RXFP1: variants seen among roughly 807,000 people sequenced by gnomAD.
RXFP1 encodes the protein relaxin family peptide receptor 1, also known as relaxin receptor 1.
Under a neutral mutation model 89.8 loss-of-function variants are expected in RXFP1, and 73 were observed. The observed-to-expected ratio is 0.81, with a 90% CI of 0.67 to 0.99. The LOEUF is 0.99. Ranked by LOEUF, RXFP1 falls within the 50% of genes least tolerant of loss-of-function variation. The probability of loss-of-function intolerance (pLI) is 0.00; values close to 1 mark genes in which losing one functional copy is unlikely to be tolerated. For synonymous variants in RXFP1, 277 were observed against 305.5 expected, an observed-to-expected ratio of 0.91 and a Z score of 0.97; for missense variants, 793 against 895.5, an observed-to-expected ratio of 0.89 and a Z score of 1.46.
At chr4:158,536,903 G>C (rs1745398577) in intron 1 of RXFP1, among the ~76,000 whole-genome samples, 1 of 152,030 alleles carries the variant, frequency 6.6e-6, no homozygotes, top group Admixed American at 6.5e-5. Flanking sequence ...TGTTGTACTA[G>C]ATAGCGTTTA....
intron 2 of RXFP1, among the ~76,000 whole-genome samples, chr4:158,588,954 T>C (rs1025739073): frequency 2.6e-5 from 4 of 152,200 alleles, no homozygotes; most frequent in Non-Finnish European, 5.9e-5. Context: ...GTCACTGTAT[T>C]AGTCCGCTCT....
chr4:158,649,665 A>G (rs1772263281), intron 17 of RXFP1, among the ~76,000 whole-genome samples: 1 of 151,716 alleles, frequency 6.6e-6, no homozygotes, highest in South Asian at 2.1e-4. Context: ...ATCCATTAGG[A>G]TGACTACTAT....
At chr4:158,546,010 G>A (rs1748267855) in intron 1 of RXFP1, among the ~76,000 whole-genome samples, 1 of 152,142 alleles carries the variant, frequency 6.6e-6, no homozygotes, top group Non-Finnish European at 1.5e-5. Flanking sequence ...GCTTGATGGG[G>A]ATGGGATTGA....
intron 1 of RXFP1, among the ~76,000 whole-genome samples, chr4:158,525,243 T>A (rs1290653761): frequency 1.3e-5 from 2 of 151,686 alleles, no homozygotes; most frequent in African/African-American, 2.4e-5. Flanking sequence ...GTTTTTTTTT[T>A]AATTTGTATA....
At chr4:158,612,037 A>G in intron 6 of RXFP1, 93 bp from the exon 7 acceptor site, 1 of 1,086,630 alleles carries the variant, frequency 9.2e-7, no homozygotes, top group Non-Finnish European at 1.3e-6. Flanking sequence ...ATGCTATGTA[A>G]AAAATTTAAG....
chr4:158,566,530 A>G (rs1272572676), intron 1 of RXFP1, among the ~76,000 whole-genome samples: 1 of 151,998 alleles, frequency 6.6e-6, no homozygotes. Context: ...CACCCAGCTA[A>G]CCTTTTGCAT....
intron 4 of RXFP1, among the ~76,000 whole-genome samples, chr4:158,600,826 C>CA (rs35888310): frequency 0.17 from 19,906 of 114,944 alleles, 1,512 homozygotes; most frequent in Middle Eastern, 0.26. Flanking sequence ...GACCCTGCCT[C>CA]AAAAAAAAAA....
intron 1 of RXFP1, among the ~76,000 whole-genome samples, chr4:158,554,236 C>A (rs886712493): frequency 6.6e-6 from 1 of 152,144 alleles, no homozygotes; most frequent in East Asian, 1.9e-4. Context: ...AGCTAAGAAA[C>A]CGTATTTTTA....
intron 2 of RXFP1, among the ~76,000 whole-genome samples, chr4:158,574,045 G>A (rs1293983311): frequency 6.6e-6 from 1 of 152,140 alleles, no homozygotes; most frequent in Non-Finnish European, 1.5e-5. Flanking sequence ...ATTTGAATAT[G>A]GGAAAATAGC....
At chr4:158,610,619 A>T (rs1763398484) in intron 6 of RXFP1, 1 of 1,198,838 alleles carries the variant, frequency 8.3e-7, no homozygotes, top group Non-Finnish European at 1.1e-6. Context: ...CACTGAAAGG[A>T]GTGATTATCT....
rs778516371 is a variant in RXFP1, at chr4:158,651,985, C to G, written c.2204C>G (p.Pro735Arg). The G allele has an allele frequency of 1.9e-6, 3 of 1,614,084 alleles. No homozygotes were observed. Among genetic ancestry groups the G allele is most frequent in the African/African-American group, 2.7e-5 (2 of 75,012 alleles). ...LQEMPPELMK[P>R]DLFTYPCEMS... ...GAGATGCCACCTGAGTTAATGAAGC[C>G]GGACCTTTTCACATACCCCTGTGAA... is the stretch of plus-strand genomic sequence containing the variant. Residue 735 changes from proline (P) to arginine (R), a missense_variant, in exon 18 of 18, where the codon CCG becomes CGG. Coordinates refer to ENST00000307765, the MANE Select transcript of RXFP1 (RefSeq NM_021634.4).
chr4:158,565,198 A>G (rs1438649340), intron 1 of RXFP1, among the ~76,000 whole-genome samples: 1 of 152,252 alleles, frequency 6.6e-6, no homozygotes, highest in Non-Finnish European at 1.5e-5. Context: ...TTAAGTTAAT[A>G]GAAAGCAAGC....
At chr4:158,548,775 G>T (rs1304502757) in intron 1 of RXFP1, among the ~76,000 whole-genome samples, 1 of 152,170 alleles carries the variant, frequency 6.6e-6, no homozygotes, top group Non-Finnish European at 1.5e-5. Context: ...GTTGAAGATT[G>T]GCCCCCACTC....
chr4:158,581,411 T>C (rs1282172183), intron 2 of RXFP1, among the ~76,000 whole-genome samples: 1 of 152,188 alleles, frequency 6.6e-6, no homozygotes, highest in Non-Finnish European at 1.5e-5. Flanking sequence ...GGAAAGAACA[T>C]GCTTATGATG....
chr4:158,636,395 A>C lies in RXFP1; in HGVS notation c.972-1613A>C, dbSNP rs369757322. 2.6e-4 allele frequency among the ~76,000 whole-genome samples: 40 copies of C among 152,258 alleles called. No individual in the cohort carries two copies. In the South Asian group the frequency reaches 7.3e-3, roughly 28 times the overall value. Reference sequence around the variant, plus strand: ...TTTAAACCATATCTGATCTTAGGCAAAATGTGAAGTAGATGCGGCTCTTTC... The same window carrying C: ...TTTAAACCATATCTGATCTTAGGCACAATGTGAAGTAGATGCGGCTCTTTC... On this transcript the variant is annotated intron_variant, in intron 12 of 17. Transcript: ENST00000307765.
rs138315364 is a variant in RXFP1, at chr4:158,526,527, A to G, written c.49+4502A>G. Among the ~76,000 whole-genome samples, 1,063 of 152,290 alleles carry G rather than the reference A, an allele frequency of 7.0e-3. 13 individuals are homozygous for G. The highest frequency in any genetic ancestry group is 0.023 in the African/African-American group (948 of 41,564). ...GCAGGGGCAAGTTGTGAATATTTCA[A>G]ATTTAGGTTTTGTTCTCTATCACAA... On this transcript the variant is annotated intron_variant, in intron 1 of 17. Coordinates refer to ENST00000307765, the MANE Select transcript of RXFP1 (RefSeq NM_021634.4).
intron 2 of RXFP1, among the ~76,000 whole-genome samples, chr4:158,590,381 A>C (rs1759197674): frequency 6.6e-6 from 1 of 152,104 alleles, no homozygotes; most frequent in Admixed American, 6.6e-5. Flanking sequence ...ACTGGTCTCA[A>C]AATCCTGACC....
chr4:158,628,220 C>T (rs969243961), intron 10 of RXFP1, among the ~76,000 whole-genome samples: 3 of 152,160 alleles, frequency 2.0e-5, no homozygotes, highest in Admixed American at 1.3e-4. Flanking sequence ...CTTCCTTAGG[C>T]AGATCCGCCC....
chr4:158,591,447 G>GCCTT (rs981216906), intron 2 of RXFP1, among the ~76,000 whole-genome samples: 19 of 151,936 alleles, frequency 1.3e-4, no homozygotes, highest in Admixed American at 5.9e-4. Context: ...GTTACTGATG[G>GCCTT]CCTTCTAGAG....
Sources: allele counts gnomAD v4.1 joint callset (sites outside exome capture counted in the v4.1 genomes callset), GRCh38; gene constraint gnomAD v4.1.1; transcripts MANE v1.5; gene names NCBI Gene and HGNC (gene_info 2026-07-23, HGNC 2026-07-21).